The following ATP13A4 variants were observed in gnomAD, a reference collection of about 807,000 sequenced individuals.
ATP13A4 encodes ATPase 13A4.
ATP13A4 carries 114 observed loss-of-function variants against 142.5 expected under a neutral mutation model. The ratio of observed to expected loss-of-function variants is 0.80; its 90% CI spans 0.69 to 0.93. The LOEUF (loss-of-function observed/expected upper bound fraction) is 0.93, where lower values mean the gene tolerates loss of function less well. Ranked by LOEUF, ATP13A4 falls within the 40% of genes least tolerant of loss-of-function variation. ATP13A4 has a pLI of 0.00. For missense variants in ATP13A4, 1,392 were observed against 1,454.0 expected, an observed-to-expected ratio of 0.96 and a Z score of 0.69; for synonymous variants, 488 against 514.8, an observed-to-expected ratio of 0.95 and a Z score of 0.70.
chr3:193,523,774 C>T lies in ATP13A4; in HGVS notation c.61-8903G>A, dbSNP rs546459899. Among the ~76,000 whole-genome samples, 7 of 152,236 alleles carry T rather than the reference C, an allele frequency of 4.6e-5. No homozygotes were observed. In the East Asian group the frequency reaches 5.8e-4, roughly 13 times the overall value. On this transcript the variant is annotated intron_variant, in intron 1 of 29. Transcript: ENST00000342695. ...TGGTTTGTCCCCACCAAACTCACAT[C>T]GAAATTTGACCCCCAGTACGGCTGT...
At chr3:193,533,932 C>T (rs1235280956) in intron 1 of ATP13A4, among the ~76,000 whole-genome samples, 1 of 152,214 alleles carries the variant, frequency 6.6e-6, no homozygotes, top group East Asian at 1.9e-4. Context: ...TAACAAGGCT[C>T]CTCTCCATCT....
At chr3:193,436,820 C>CAGGTTTTTTTCTGTATCAGAGTTTT (rs1560185258) in intron 23 of ATP13A4, among the ~76,000 whole-genome samples, 1 of 146,508 alleles carries the variant, frequency 6.8e-6, no homozygotes, top group African/African-American at 2.6e-5. Flanking sequence ...ACCTGATCCC[C>CAGGTTTTTTTCTGTATCAGAGTTTT]GGGGCCGGGC....
At chr3:193,590,495 G>C (rs2086441270) in intron 1 of ATP13A4, among the ~76,000 whole-genome samples, 3 of 152,198 alleles carry the variant, frequency 2.0e-5, no homozygotes, top group Admixed American at 2.0e-4. Flanking sequence ...AGGGACTATA[G>C]AAACCATACC....
At chr3:193,554,378 C>T (rs1723771743) in intron 1 of ATP13A4, 1 of 347,562 alleles carries the variant, frequency 2.9e-6, no homozygotes, top group Non-Finnish European at 5.5e-6. Flanking sequence ...CTGCTCCTCA[C>T]ATTAGGGATT....
chr3:193,486,144 A>T, intron 7 of ATP13A4, among the ~76,000 whole-genome samples: 1 of 151,436 alleles, frequency 6.6e-6, no homozygotes, highest in East Asian at 1.9e-4. Context: ...GTAAATACCA[A>T]ATGTTTAAAA....
intron 14 of ATP13A4, chr3:193,458,839 T>A (rs1275731289): frequency 1.8e-5 from 11 of 618,592 alleles, no homozygotes; most frequent in African/African-American, 3.7e-5. Flanking sequence ...TTGCCAGGCA[T>A]AGTGCCAAGG....
intron 1 of ATP13A4, among the ~76,000 whole-genome samples, chr3:193,546,628 T>C (rs1380275678): frequency 1.3e-5 from 2 of 152,224 alleles, no homozygotes; most frequent in Non-Finnish European, 2.9e-5. Flanking sequence ...CACAACAATG[T>C]TGGTCTCCAG....
intron 1 of ATP13A4, among the ~76,000 whole-genome samples, chr3:193,551,575 T>G (rs997254938): frequency 6.6e-6 from 1 of 152,208 alleles, no homozygotes; most frequent in Non-Finnish European, 1.5e-5. Context: ...CCAGAACTGT[T>G]TACTTCTCAA....
rs1033357576 is a variant in ATP13A4 at position 193,489,945 on chromosome 3, A to C, written c.604-81T>G. ...TCTTCATTTACTTGTTTTCATAATC[A>C]TCTTCATGACATACATCATCCCACA... On this transcript the variant is annotated intron_variant, in intron 6 of 29. Transcript: ENST00000342695. The C allele has an allele frequency of 2.8e-6, 4 of 1,438,840 alleles. No homozygotes were observed. In the African/African-American group the frequency reaches 5.6e-5, roughly 20 times the overall value. 89.1% of individuals were successfully genotyped at this position (1,438,840 alleles called of 1,614,324 possible). A position where few individuals can be genotyped will look rare whatever the true frequency, so the allele number is the denominator to read the frequency against.
chr3:193,545,973 TTGTG>T (rs3053200), intron 1 of ATP13A4, among the ~76,000 whole-genome samples: 4,198 of 143,292 alleles, frequency 0.029, 75 homozygotes, highest in African/African-American at 0.044. Flanking sequence ...AATGTTTAAA[TTGTG>T]TGTGTGTGTG....
At position 193,441,518 on chromosome 3, in the gene ATP13A4, G is replaced by T. The variant is rs371105790; in HGVS notation, c.2387C>A (p.Thr796Asn). 3 of 1,613,736 alleles carry T rather than the reference G, an allele frequency of 1.9e-6. No homozygotes were observed. The highest frequency in any genetic ancestry group is 2.5e-6 in the Non-Finnish European group (3 of 1,179,696). ...GREGSYHFALTGKSFHVISQH... is the reference protein window; with the variant it reads ...GREGSYHFALNGKSFHVISQH... Reference sequence around the variant, plus strand: ...ACTTATAACATGAAAGGATTTTCCAGTTAGGGCAAAATGGTAACTTCCTTC... The same window carrying T: ...ACTTATAACATGAAAGGATTTTCCATTTAGGGCAAAATGGTAACTTCCTTC... The change falls in exon 20 of 30, where the codon ACT becomes AAT. Residue 796 changes from threonine (T) to asparagine (N), a missense_variant. By Grantham distance (65) the Thr-to-Asn change is moderately conservative (BLOSUM62 0). Transcript: ENST00000342695.
intron 2 of ATP13A4, among the ~76,000 whole-genome samples, chr3:193,581,219 A>T (rs1271356647): frequency 2.0e-5 from 3 of 152,234 alleles, no homozygotes; most frequent in Non-Finnish European, 2.9e-5. Flanking sequence ...TACTGAAAGA[A>T]TATTGTCTCA....
chr3:193,591,918 A>C (rs1014990498), intron 1 of ATP13A4, among the ~76,000 whole-genome samples: 3 of 152,122 alleles, frequency 2.0e-5, no homozygotes, highest in Admixed American at 2.0e-4. Context: ...TACAGTTTGC[A>C]CAGGTTGGTA....
At chr3:193,577,286 G>A (rs1483725194) in intron 2 of ATP13A4, among the ~76,000 whole-genome samples, 1 of 152,162 alleles carries the variant, frequency 6.6e-6, no homozygotes, top group Admixed American at 6.5e-5. Context: ...TATTCCAGTC[G>A]TCACTCCCAC....
intron 18 of ATP13A4, among the ~76,000 whole-genome samples, chr3:193,444,391 G>C (rs1716823650): frequency 6.6e-6 from 1 of 152,150 alleles, no homozygotes; most frequent in Admixed American, 6.5e-5. Flanking sequence ...AATGAAAATT[G>C]AAGATAATTT....
chr3:193,422,652 G>C (rs893074155), intron 25 of ATP13A4, among the ~76,000 whole-genome samples: 2 of 149,436 alleles, frequency 1.3e-5, no homozygotes, highest in Non-Finnish European at 3.0e-5. Context: ...GAAGAAATTA[G>C]AAGAGAAGTT....
intron 9 of ATP13A4, among the ~76,000 whole-genome samples, chr3:193,468,994 T>C (rs933062984): frequency 1.4e-4 from 21 of 152,198 alleles, no homozygotes; most frequent in African/African-American, 4.6e-4. Context: ...GTTTGAGATT[T>C]ATTTGGATTT....
intron 12 of ATP13A4, 26 bp from the exon 13 acceptor site, chr3:193,462,849 A>G: frequency 6.2e-7 from 1 of 1,611,350 alleles, no homozygotes; most frequent in Non-Finnish European, 8.5e-7. Context: ...TGCTCCATTT[A>G]CTCTGAAGAT....
chr3:193,543,760 C>T (rs1723072148), intron 1 of ATP13A4, among the ~76,000 whole-genome samples: 1 of 152,094 alleles, frequency 6.6e-6, no homozygotes, highest in Non-Finnish European at 1.5e-5. Context: ...ATCAAGTAAA[C>T]CAAATTCCAA....
Sources: gnomAD v4.1 joint callset for allele counts (sites outside exome capture counted in the v4.1 genomes callset) on GRCh38, gnomAD v4.1.1 for gene constraint, MANE v1.5 for transcripts, NCBI Gene and HGNC (gene_info 2026-07-23, HGNC 2026-07-21) for gene names.